Variants in CELSR1 observed in about 807,000 individuals in gnomAD.
CELSR1 encodes adhesion G protein-coupled receptor C1.
Under a neutral mutation model 249.1 loss-of-function variants are expected in CELSR1, and 110 were observed. That is an observed-to-expected ratio of 0.44 (90% CI 0.38 to 0.52). CELSR1 has a LOEUF of 0.52. Among genes scored for constraint, CELSR1 ranks in the 20% least tolerant of loss-of-function variants. The pLI, the probability that CELSR1 is intolerant of heterozygous loss-of-function variation, is 0.00. For synonymous variants in CELSR1, 2,113 were observed against 1,900.0 expected (o/e 1.11, Z -2.92); for missense variants, 4,109 against 4,296.4 (o/e 0.96, Z 1.22).
rs79126614 is a variant in CELSR1, at chr22:46,445,502, G to C, written c.4184-6091C>G. Among the ~76,000 whole-genome samples the C allele has an allele frequency of 2.0e-5, 3 of 151,898 alleles. No individual in the cohort carries two copies. The highest frequency in any genetic ancestry group is 7.3e-5 in the African/African-American group (3 of 41,334). ...AGAGCAAGACTGTCTCTAAAAAAAT[G>C]AATAAAAAATAAAGACACCAGTCAT... On this transcript the variant is annotated intron_variant, in intron 2 of 34. Coordinates refer to ENST00000674500, the MANE Select transcript of CELSR1 (RefSeq NM_001378328.1). This position sits in a 1 kb window ranked among gnomAD's most constrained non-coding sequence, Gnocchi z 4.4.
chr22:46,483,878 C>T (rs1007922451), intron 1 of CELSR1, among the ~76,000 whole-genome samples: 4 of 152,180 alleles, frequency 2.6e-5, no homozygotes, highest in African/African-American at 9.7e-5. Context: ...TTATTAACTG[C>T]AGAGGCTTAA....
rs1181724356 is a variant in CELSR1 at position 46,409,946 on chromosome 22, C to A, written c.4934-66G>T. 6.3e-7 allele frequency: 1 copy of A among 1,595,546 alleles called. No individual in the cohort carries two copies. Among genetic ancestry groups the A allele is most frequent in the Non-Finnish European group, 8.5e-7 (1 of 1,175,776 alleles). ...ACCGCCCGGGGTCCCCGGCGCCAGA[C>A]GTGGCGTGGGAAACCAGGACGGAAT... On this transcript the variant is annotated intron_variant, in intron 7 of 34. Coordinates refer to ENST00000674500, the MANE Select transcript of CELSR1 (RefSeq NM_001378328.1). This position sits in a 1 kb window ranked among gnomAD's most constrained non-coding sequence, Gnocchi z 9.8.
intron 18 of CELSR1, among the ~76,000 whole-genome samples, chr22:46,387,102 A>G (rs1080233): frequency 0.13 from 19,422 of 152,156 alleles, 2,152 homozygotes; most frequent in African/African-American, 0.3. Flanking sequence ...AAGAGGAATA[A>G]AAAAATGTTA....
At position 46,518,526 on chromosome 22, in the gene CELSR1, G is replaced by T. The variant is rs768515924; in HGVS notation, c.3544+15101C>A. Among the ~76,000 whole-genome samples the T allele has an allele frequency of 2.0e-4, 31 of 152,242 alleles. No individual in the cohort carries two copies. The highest frequency in any genetic ancestry group is 4.1e-4 in the Non-Finnish European group (28 of 68,046). On this transcript the variant is annotated intron_variant, in intron 1 of 34. Coordinates refer to ENST00000674500, the MANE Select transcript of CELSR1 (RefSeq NM_001378328.1). The surrounding 1 kb of genome is among the most constrained non-coding windows in gnomAD (Gnocchi z 5.2). ...ACCAGTCACACACACAAACATGAAG[G>T]CAGGCGTGGCAGTGGGTTCACTACC...
At chr22:46,422,550 C>T (rs970763954) in intron 5 of CELSR1, among the ~76,000 whole-genome samples, 4 of 150,310 alleles carry the variant, frequency 2.7e-5, no homozygotes, top group East Asian at 2.0e-4. Context: ...CTGGCCAACA[C>T]GGTGAAACCC....
rs1019765223 is a variant in CELSR1, at chr22:46,407,643, A to G, written c.5226+1353T>C. Among the ~76,000 whole-genome samples the G allele has an allele frequency of 6.6e-6, 1 of 152,106 alleles. No individual in the cohort carries two copies. The highest frequency in any genetic ancestry group is 2.4e-5 in the African/African-American group (1 of 41,424). ...GCAAAACTTTATCTCAAAAAAACAA[A>G]ACAAAACAAAACAAAAAAAACCTAG... On this transcript the variant is annotated intron_variant, in intron 9 of 34. Coordinates refer to ENST00000674500, the MANE Select transcript of CELSR1 (RefSeq NM_001378328.1). The surrounding 1 kb of genome is among the most constrained non-coding windows in gnomAD (Gnocchi z 4.8).
At position 46,389,323 on chromosome 22, in the gene CELSR1, G is replaced by A. The variant is rs775681160; in HGVS notation, c.6522C>T (p.Asp2174=). The change falls in exon 18 of 35, where the codon GAC becomes GAT. Residue 2174 remains aspartate, a synonymous_variant. Coordinates refer to ENST00000674500, the MANE Select transcript of CELSR1 (RefSeq NM_001378328.1). ...AGTCGGCGTCCTGCGTGGCTGCCAG[G>A]TCGAAGCCCTGCTGCCAGCTCTCGT... ...LQHESWQQGF[D]LAATQDADFH... 1.2e-6 allele frequency: 2 copies of A among 1,609,150 alleles called. No individual in the cohort carries two copies. Among genetic ancestry groups the A allele is most frequent in the East Asian group, 2.2e-5 (1 of 44,878 alleles).
At chr22:46,498,766 CAA>C (rs942899912) in intron 1 of CELSR1, among the ~76,000 whole-genome samples, 25 of 152,052 alleles carry the variant, frequency 1.6e-4, no homozygotes, top group African/African-American at 5.8e-4. Context: ...AGAGACTCTT[CAA>C]ATAAAAGATA....
At position 46,404,619 on chromosome 22, in the gene CELSR1, C is replaced by A. The variant is rs568291207; in HGVS notation, c.5226+4377G>T. Among the ~76,000 whole-genome samples, 566 of 151,750 alleles carry A rather than the reference C, an allele frequency of 3.7e-3. 4 individuals carry two copies. The highest frequency in any genetic ancestry group is 6.5e-3 in the Non-Finnish European group (441 of 67,912). ...TTGGGTTTTTGGTGGGGGAGGGGGG[C>A]ACACACACACAAAAAAACAGATGCA... On this transcript the variant is annotated intron_variant, in intron 9 of 34. Transcript: ENST00000674500.
In CELSR1 at chr22:46,381,707, G is replaced by A; in HGVS notation, c.7088+139C>T. The A allele has an allele frequency of 1.3e-6, 1 of 789,052 alleles. No individual in the cohort carries two copies. Among genetic ancestry groups the A allele is most frequent in the Non-Finnish European group, 2.0e-6 (1 of 504,440 alleles). 48.9% of individuals were successfully genotyped at this position (789,052 alleles called of 1,614,324 possible). ...CTCCAAGGACCACCACAAGGCAATG[G>A]TCTCTGTCTCTGGGCCAGGGTCACG... is the stretch of plus-strand genomic sequence containing the variant. On this transcript the variant is annotated intron_variant, in intron 21 of 34. Transcript: ENST00000674500. This position sits in a 1 kb window ranked among gnomAD's most constrained non-coding sequence, Gnocchi z 6.0.
rs1403128418 is a variant in CELSR1, at chr22:46,409,724, A to T, written c.5059+31T>A. 7 of 1,609,708 alleles carry T rather than the reference A, an allele frequency of 4.3e-6. No homozygotes were observed. The highest frequency in any genetic ancestry group is 5.9e-6 in the Non-Finnish European group (7 of 1,179,816). On this transcript the variant is annotated intron_variant, in intron 8 of 34. Coordinates refer to ENST00000674500, the MANE Select transcript of CELSR1 (RefSeq NM_001378328.1). The surrounding 1 kb of genome is among the most constrained non-coding windows in gnomAD (Gnocchi z 9.8). The stretch of plus-strand genomic sequence containing the variant: ...GAGCAATGCCTCCCAGGCCGCCGTG[A>T]CCGGGGGGATGGACGACGCCGGCCA...
At position 46,411,791 on chromosome 22, in the gene CELSR1, C is replaced by G. The variant is rs768106061; in HGVS notation, c.4612-32G>C. On this transcript the variant is annotated intron_variant, in intron 5 of 34. Coordinates refer to ENST00000674500, the MANE Select transcript of CELSR1 (RefSeq NM_001378328.1). The surrounding 1 kb of genome is among the most constrained non-coding windows in gnomAD (Gnocchi z 4.2). ...GAAGAGAAAGCACAGAAGGTGTCAG[C>G]GTTTTCTCCACCAGTGCCCTCAGCA... The G allele has an allele frequency of 1.9e-6, 3 of 1,612,494 alleles. No individual in the cohort carries two copies. The Admixed American group carries it at 5.0e-5, about 27-fold the overall frequency.
intron 3 of CELSR1, among the ~76,000 whole-genome samples, 186 bp downstream of exon 3, chr22:46,439,003 C>G (rs1602137712): frequency 6.6e-6 from 1 of 152,186 alleles, no homozygotes; most frequent in African/African-American, 2.4e-5. Flanking sequence ...GGTGATCCAC[C>G]CGCCTCGGCC....
Position 46,380,612 on chromosome 22 carries a change from C to CT in CELSR1, c.7256+175dup, listed in dbSNP as rs2078967222. On this transcript the variant is annotated intron_variant, in intron 22 of 34. Coordinates refer to ENST00000674500, the MANE Select transcript of CELSR1 (RefSeq NM_001378328.1). The surrounding 1 kb of genome is among the most constrained non-coding windows in gnomAD (Gnocchi z 5.1). ...GTGTGTGGACATCTAGGGGAGGACT[C>CT]TGATATTCCCACAGAAGCAGAGCAG... 1.3e-5 allele frequency among the ~76,000 whole-genome samples: 2 copies of CT among 152,174 alleles called. No homozygotes were observed. The highest frequency in any genetic ancestry group is 4.8e-5 in the African/African-American group (2 of 41,450).
At position 46,393,290 on chromosome 22, in the gene CELSR1, T is replaced by C. The variant is rs1476119053; in HGVS notation, c.5964+852A>G. ...GGGGAGGGGTCCCTAGAGTCTGCAC[T>C]GAGAACGCGTGTGCATTTCTGGAGA... On this transcript the variant is annotated intron_variant, in intron 14 of 34. Coordinates refer to ENST00000674500, the MANE Select transcript of CELSR1 (RefSeq NM_001378328.1). The surrounding 1 kb of genome is among the most constrained non-coding windows in gnomAD (Gnocchi z 4.1). Among the ~76,000 whole-genome samples the C allele has an allele frequency of 6.6e-6, 1 of 152,210 alleles. No individual in the cohort carries two copies. Among genetic ancestry groups the C allele is most frequent in the East Asian group, 1.9e-4 (1 of 5,202 alleles).
chr22:46,526,834 C>G lies in CELSR1; in HGVS notation c.3544+6793G>C, dbSNP rs1018049340. Among the ~76,000 whole-genome samples, 1 of 152,212 alleles carries G rather than the reference C, an allele frequency of 6.6e-6. No homozygotes were observed. The highest frequency in any genetic ancestry group is 1.9e-4 in the East Asian group (1 of 5,194). On this transcript the variant is annotated intron_variant, in intron 1 of 34. Transcript: ENST00000674500. The surrounding 1 kb of genome is among the most constrained non-coding windows in gnomAD (Gnocchi z 4.7). Reference sequence around the variant, plus strand: ...CCTGAGCTGGTCTCCCCAGTCTGGACCTGCACACACAATCAACTTCAGGAC... The same window carrying G: ...CCTGAGCTGGTCTCCCCAGTCTGGAGCTGCACACACAATCAACTTCAGGAC...
rs73890425 is a variant in CELSR1, at chr22:46,428,055, C to T, written c.4611+5338G>A. Among the ~76,000 whole-genome samples, 6,568 of 152,276 alleles carry T rather than the reference C, an allele frequency of 0.043. 160 individuals are homozygous for T. The highest frequency in any genetic ancestry group is 0.052 in the Non-Finnish European group (3,521 of 68,026). On this transcript the variant is annotated intron_variant, in intron 5 of 34. Coordinates refer to ENST00000674500, the MANE Select transcript of CELSR1 (RefSeq NM_001378328.1). The surrounding 1 kb of genome is among the most constrained non-coding windows in gnomAD (Gnocchi z 5.7). Reference sequence around the variant, plus strand: ...ACCTGACAAGCAACAGGTGAGCAATCCCTAATGACAGCAGGACCTAGCGGT... The same window carrying T: ...ACCTGACAAGCAACAGGTGAGCAATTCCTAATGACAGCAGGACCTAGCGGT...
rs187904978 is a variant in CELSR1, at chr22:46,524,292, C to T, written c.3544+9335G>A. On this transcript the variant is annotated intron_variant, in intron 1 of 34. Transcript: ENST00000674500. The stretch of plus-strand genomic sequence containing the variant: ...GCACACAGACCCAGGCGGTCCCGCG[C>T]CCACTTCTCAATCACCCCTGCTCTG... Among the ~76,000 whole-genome samples the T allele has an allele frequency of 2.0e-5, 3 of 152,326 alleles. No individual in the cohort carries two copies. The East Asian group carries it at 5.8e-4, about 29-fold the overall frequency.
intron 1 of CELSR1, among the ~76,000 whole-genome samples, chr22:46,505,381 C>A (rs2080505772): frequency 1.3e-5 from 2 of 151,536 alleles, no homozygotes; most frequent in South Asian, 4.2e-4. Context: ...CACTCATAAT[C>A]CCAGCACTTT....
Sources: allele counts gnomAD v4.1 joint callset (sites outside exome capture counted in the v4.1 genomes callset), GRCh38; gene constraint gnomAD v4.1.1; non-coding constraint Gnocchi (gnomAD v3.1); transcripts MANE v1.5; gene names NCBI Gene and HGNC (gene_info 2026-07-23, HGNC 2026-07-21).